Variants in MYT1L observed in about 807,000 individuals in gnomAD.
MYT1L encodes the protein myelin transcription factor 1 like.
In MYT1L, 12 loss-of-function variants were observed where a neutral mutation model predicts 126.7. The observed-to-expected ratio is 0.09, with a 90% CI of 0.06 to 0.15. The LOEUF (loss-of-function observed/expected upper bound fraction) is 0.15, where lower values mean the gene tolerates loss of function less well. Ranked by LOEUF, MYT1L falls within the 10% of genes least tolerant of loss-of-function variation. The pLI, the probability that MYT1L is intolerant of heterozygous loss-of-function variation, is 1.00. For synonymous variants in MYT1L, 541 were observed against 604.2 expected (o/e 0.90, Z 1.53); for missense variants, 979 against 1,585.2 (o/e 0.62, Z 6.49).
intron 3 of MYT1L, among the ~76,000 whole-genome samples, chr2:2,161,522 T>C (rs941654157): frequency 2.0e-5 from 3 of 152,266 alleles, no homozygotes; most frequent in Admixed American, 6.5e-5. Flanking sequence ...TCAGCCCCAC[T>C]TGTGCCTATG....
chr2:2,102,158 T>C (rs1203688613), intron 3 of MYT1L, among the ~76,000 whole-genome samples: 3 of 152,354 alleles, frequency 2.0e-5, no homozygotes, highest in South Asian at 4.1e-4. Flanking sequence ...TTTAGGCTTC[T>C]TGTGGCCTTC....
intron 2 of MYT1L, among the ~76,000 whole-genome samples, chr2:2,273,505 T>A (rs541499755): frequency 4.5e-4 from 69 of 152,280 alleles, no homozygotes; most frequent in Middle Eastern, 6.8e-3. Context: ...ATAGTAATCC[T>A]CCTAAGGACC....
rs141441977 is a variant in MYT1L at position 2,238,866 on chromosome 2, T to C, written c.-421+45538A>G. Among the ~76,000 whole-genome samples the C allele has an allele frequency of 5.4e-3, 818 of 152,316 alleles. 10 individuals are homozygous for C. The highest frequency in any genetic ancestry group is 0.019 in the African/African-American group (785 of 41,568). On this transcript the variant is annotated intron_variant, in intron 2 of 24. Transcript: ENST00000647738. ...CCATAGCTGTACACGTCCCAGTCTC[T>C]GGGTAGCTGATCTGTTTATCTTGGT... is the stretch of plus-strand genomic sequence containing the variant.
intron 3 of MYT1L, among the ~76,000 whole-genome samples, chr2:2,108,441 T>C (rs2079013183): frequency 6.6e-6 from 1 of 152,228 alleles, no homozygotes; most frequent in African/African-American, 2.4e-5. Flanking sequence ...TAACACCTTG[T>C]CTGCTGCCAT....
intron 19 of MYT1L, chr2:1,841,950 A>AT (rs1356042153): frequency 1.3e-5 from 2 of 152,326 alleles, no homozygotes; most frequent in African/African-American, 2.4e-5. Flanking sequence ...TGTAAAGGGA[A>AT]TTTTTTCAGC....
At chr2:2,160,695 C>T (rs2087728978) in intron 3 of MYT1L, among the ~76,000 whole-genome samples, 1 of 152,162 alleles carries the variant, frequency 6.6e-6, no homozygotes, top group Admixed American at 6.5e-5. Flanking sequence ...CTGCATTAAC[C>T]ACCAGTTTGC....
intron 3 of MYT1L, among the ~76,000 whole-genome samples, chr2:2,072,133 C>T (rs1305437012): frequency 2.0e-5 from 3 of 152,172 alleles, no homozygotes; most frequent in Admixed American, 6.5e-5. Context: ...CTTTGAAAGC[C>T]GCTCTCTGCT....
intron 2 of MYT1L, among the ~76,000 whole-genome samples, chr2:2,271,680 G>A (rs1464337327): frequency 6.6e-6 from 1 of 152,202 alleles, no homozygotes; most frequent in Non-Finnish European, 1.5e-5. Context: ...GAGCCAGAAA[G>A]TTTGGTTTCT....
chr2:2,100,733 A>C (rs565188409), intron 3 of MYT1L, among the ~76,000 whole-genome samples: 1 of 152,272 alleles, frequency 6.6e-6, no homozygotes, highest in African/African-American at 2.4e-5. Context: ...TAATGGTGAG[A>C]CATCATCCTG....
At chr2:2,329,889 C>A (rs1318435916) in intron 1 of MYT1L, among the ~76,000 whole-genome samples, 2 of 151,604 alleles carry the variant, frequency 1.3e-5, no homozygotes, top group African/African-American at 2.4e-5. Flanking sequence ...TGGAATGTTT[C>A]TCTTAGTAGC....
At chr2:2,329,900 A>G (rs1455898869) in intron 1 of MYT1L, among the ~76,000 whole-genome samples, 1 of 152,008 alleles carries the variant, frequency 6.6e-6, no homozygotes, top group Non-Finnish European at 1.5e-5. Context: ...TCTTAGTAGC[A>G]TTTATAACTT....
chr2:2,219,177 T>C (rs1369819290), intron 2 of MYT1L, among the ~76,000 whole-genome samples: 4 of 152,200 alleles, frequency 2.6e-5, no homozygotes, highest in Admixed American at 2.6e-4. Flanking sequence ...GCCATGTTTC[T>C]TTGCATCTTT....
chr2:2,003,176 G>A (rs547306513), intron 4 of MYT1L, among the ~76,000 whole-genome samples: 4 of 152,064 alleles, frequency 2.6e-5, no homozygotes, highest in East Asian at 1.9e-4. Flanking sequence ...AGACTTGCTC[G>A]ATTCCCATGG....
chr2:2,159,015 C>T (rs189406010), intron 3 of MYT1L, among the ~76,000 whole-genome samples: 5 of 152,304 alleles, frequency 3.3e-5, no homozygotes, highest in Admixed American at 2.6e-4. Context: ...GAGAAGAAGT[C>T]TAACCTAACA....
intron 8 of MYT1L, among the ~76,000 whole-genome samples, chr2:1,948,038 C>T (rs997445902): frequency 5.3e-5 from 8 of 152,182 alleles, no homozygotes; most frequent in Non-Finnish European, 8.8e-5. Context: ...ATAGAAGCGT[C>T]GGCTGTTCCT....
At chr2:2,293,409 G>A (rs570872375) in intron 1 of MYT1L, among the ~76,000 whole-genome samples, 36 of 152,198 alleles carry the variant, frequency 2.4e-4, no homozygotes, top group Middle Eastern at 3.2e-3. Flanking sequence ...ATTCCCCCAC[G>A]CTGACTGTGC....
At chr2:1,861,844 C>A (rs894280434) in intron 18 of MYT1L, among the ~76,000 whole-genome samples, 2 of 152,274 alleles carry the variant, frequency 1.3e-5, no homozygotes, top group Non-Finnish European at 2.9e-5. Context: ...GATCCGCCTG[C>A]AGCCTGTGTA....
intron 2 of MYT1L, among the ~76,000 whole-genome samples, chr2:2,198,835 G>A (rs1401958310): frequency 6.6e-6 from 1 of 152,062 alleles, no homozygotes; most frequent in African/African-American, 2.4e-5. Flanking sequence ...GACAGAGCGA[G>A]ACTCTGTCTC....
chr2:2,256,111 G>A (rs553112266), intron 2 of MYT1L, among the ~76,000 whole-genome samples: 4 of 152,202 alleles, frequency 2.6e-5, no homozygotes, highest in Admixed American at 6.5e-5. Flanking sequence ...CACTCGCGTC[G>A]GGCCAAAACA....
Sources: gnomAD v4.1 joint callset for allele counts (sites outside exome capture counted in the v4.1 genomes callset) on GRCh38, gnomAD v4.1.1 for gene constraint, MANE v1.5 for transcripts, NCBI Gene and HGNC (gene_info 2026-07-23, HGNC 2026-07-21) for gene names.